ZNF285: variants seen among roughly 807,000 people sequenced by gnomAD.
ZNF285 encodes zinc finger protein 285.
Under a neutral mutation model 6.2 loss-of-function variants are expected in ZNF285, and 4 were observed. The observed-to-expected ratio is 0.65, with a 90% CI of 0.32 to 1.49. ZNF285 has a LOEUF of 1.49. Among genes scored for constraint, ZNF285 ranks in the 40% most tolerant of loss-of-function variants. The pLI is 0.07. For missense variants in ZNF285, 695 were observed against 708.8 expected (o/e 0.98, Z 0.22); for synonymous variants, 240 against 245.8 (o/e 0.98, Z 0.22).
At chr19:44,392,037 T>C (rs1286922843) in intron 3 of ZNF285, among the ~76,000 whole-genome samples, 1 of 152,046 alleles carries the variant, frequency 6.6e-6, no homozygotes, top group African/African-American at 2.4e-5. Context: ...TCAGTCTCAT[T>C]CTGAGAAATA....
intron 2 of ZNF285, among the ~76,000 whole-genome samples, chr19:44,395,657 C>T (rs2571128): frequency 0.33 from 49,732 of 151,946 alleles, 11,534 homozygotes; most frequent in East Asian, 0.75. Flanking sequence ...GTAAGTTAGA[C>T]TGCTGTTTAG....
Position 44,390,655 on chromosome 19 carries a change from T to C in ZNF285, c.142+1685A>G, listed in dbSNP as rs115399734. ...GGGAGGCATCATTGGCTTTGAAATG[T>C]AAGGACATATGATTTGGGAGGGGCC... On this transcript the variant is annotated intron_variant, in intron 3 of 3. Transcript: ENST00000614994. 4.8e-3 allele frequency among the ~76,000 whole-genome samples: 730 copies of C among 152,154 alleles called. 8 individuals carry two copies. Among genetic ancestry groups the C allele is most frequent in the African/African-American group, 0.017 (692 of 41,476 alleles).
chr19:44,397,620 C>CA (rs1971303964), intron 1 of ZNF285, among the ~76,000 whole-genome samples: 1 of 152,140 alleles, frequency 6.6e-6, no homozygotes, highest in Non-Finnish European at 1.5e-5. Flanking sequence ...CACAGTGGCT[C>CA]ACACCTGTAA....
In ZNF285 at chr19:44,385,205, T is replaced by C. The variant is rs1971050745; in HGVS notation, c.*1267A>G. On this transcript the variant is annotated 3_prime_UTR_variant, in exon 4 of 4. Transcript: ENST00000614994. Reference sequence around the variant, plus strand: ...ACATGTTGTTGGTCACTTTAGTAAATGTTGATTTTATTCAATTAATTTTAT... The same window carrying C: ...ACATGTTGTTGGTCACTTTAGTAAACGTTGATTTTATTCAATTAATTTTAT... 1 of 152,096 alleles carries C rather than the reference T, an allele frequency of 6.6e-6. No individual in the cohort carries two copies. The highest frequency in any genetic ancestry group is 2.1e-4 in the South Asian group (1 of 4,832). 9.4% of individuals were successfully genotyped at this position (152,096 alleles called of 1,614,324 possible). A position where few individuals can be genotyped will look rare whatever the true frequency, so the allele number is the denominator to read the frequency against.
At chr19:44,390,778 G>A (rs922017284) in intron 3 of ZNF285, among the ~76,000 whole-genome samples, 5 of 151,814 alleles carry the variant, frequency 3.3e-5, no homozygotes, top group African/African-American at 1.2e-4. Context: ...AACCTGGTAG[G>A]GGGTGACTGA....
At chr19:44,394,787 T>A (rs1971253625) in intron 2 of ZNF285, among the ~76,000 whole-genome samples, 1 of 152,158 alleles carries the variant, frequency 6.6e-6, no homozygotes, top group Admixed American at 6.5e-5. Context: ...AATTGTCCAA[T>A]TACCAAAATC....
At chr19:44,393,685 A>T (rs1971234199) in intron 2 of ZNF285, among the ~76,000 whole-genome samples, 1 of 152,142 alleles carries the variant, frequency 6.6e-6, no homozygotes, top group African/African-American at 2.4e-5. Context: ...GCCATCAGAG[A>T]AATGCAAATC....
At position 44,387,880 on chromosome 19, in the gene ZNF285, T is replaced by C; in HGVS notation, c.365A>G (p.Glu122Gly). 6.2e-7 allele frequency: 1 copy of C among 1,613,976 alleles called. No individual in the cohort carries two copies. The highest frequency in any genetic ancestry group is 1.3e-5 in the African/African-American group (1 of 75,048). Residue 122 changes from glutamate to glycine, a missense_variant, in exon 4 of 4, where the codon GAA becomes GGA. Transcript: ENST00000614994. ...AGISLQISEN[E>G]NYVVNAIIKN... is the part of the protein sequence containing the mutation. ...GATAATGGCATTTACTACATAGTTT[T>C]CATTTTCAGAAATCTGAAGAGAAAT...
chr19:44,394,693 G>T (rs1445243654), intron 2 of ZNF285, among the ~76,000 whole-genome samples: 1 of 152,114 alleles, frequency 6.6e-6, no homozygotes, highest in Non-Finnish European at 1.5e-5. Context: ...TCTCTCAATA[G>T]ACTCTGCATC....
chr19:44,396,825 C>G (rs10425040), intron 2 of ZNF285: 67,841 of 223,080 alleles, frequency 0.3, 15,688 homozygotes, highest in East Asian at 0.75. Flanking sequence ...TGAGGCCAGT[C>G]ACATTTAGAG....
At chr19:44,392,871 T>C (rs116709348) in intron 2 of ZNF285, among the ~76,000 whole-genome samples, 1 of 152,300 alleles carries the variant, frequency 6.6e-6, no homozygotes, top group African/African-American at 2.4e-5. Context: ...TAGCATTTCA[T>C]GAGTTCATTT....
intron 3 of ZNF285, among the ~76,000 whole-genome samples, chr19:44,390,285 G>A (rs1487946221): frequency 1.3e-5 from 2 of 152,162 alleles, no homozygotes; most frequent in Non-Finnish European, 2.9e-5. Context: ...CAGAGCCACA[G>A]GGGTGGAGCT....
intron 2 of ZNF285, among the ~76,000 whole-genome samples, chr19:44,395,271 G>A (rs1971261473): frequency 6.6e-6 from 1 of 152,180 alleles, no homozygotes; most frequent in African/African-American, 2.4e-5. Flanking sequence ...AGCATCTGGT[G>A]CTTCCACTTA....
intron 2 of ZNF285, among the ~76,000 whole-genome samples, chr19:44,395,734 T>C (rs556357723): frequency 2.0e-4 from 31 of 152,238 alleles, no homozygotes; most frequent in Non-Finnish European, 3.8e-4. Flanking sequence ...CCCCTTTAGT[T>C]TTGACTTGGC....
intron 1 of ZNF285, among the ~76,000 whole-genome samples, chr19:44,400,734 C>CGA (rs2123295492): frequency 6.6e-6 from 1 of 152,090 alleles, no homozygotes; most frequent in African/African-American, 2.4e-5. Context: ...GCCACCGTGC[C>CGA]CGGCTAATTT....
chr19:44,399,717 G>C lies in ZNF285; in HGVS notation c.-44+1851C>G, dbSNP rs191104905. Among the ~76,000 whole-genome samples the C allele has an allele frequency of 8.1e-3, 1,228 of 151,516 alleles. 10 individuals carry two copies. Among genetic ancestry groups the C allele is most frequent in the African/African-American group, 0.027 (1,115 of 41,038 alleles). On this transcript the variant is annotated intron_variant, in intron 1 of 3. Transcript: ENST00000614994. The stretch of plus-strand genomic sequence containing the variant: ...CCTGCCTGTATCAAGTCAGGGCCGT[G>C]GCACGAACCAGACGGCACATTGAAA...
intron 2 of ZNF285, among the ~76,000 whole-genome samples, chr19:44,393,726 G>C (rs1017613187): frequency 3.7e-4 from 56 of 152,210 alleles, no homozygotes; most frequent in African/African-American, 1.3e-3. Flanking sequence ...TCTCACACCA[G>C]TTAGAATGGC....
chr19:44,382,960 C>A lies in ZNF285; in HGVS notation c.*3512G>T, dbSNP rs146160346. The stretch of plus-strand genomic sequence containing the variant: ...GTCTGAGGCCCCAGATAGCTCCTCA[C>A]CTAGGCATCCCAAAGGGAACTCCCA... On this transcript the variant is annotated 3_prime_UTR_variant, in exon 4 of 4. Coordinates refer to ENST00000614994, the MANE Select transcript of ZNF285 (RefSeq NM_152354.6). The A allele has an allele frequency of 6.6e-6, 1 of 152,164 alleles. No individual in the cohort carries two copies. Among genetic ancestry groups the A allele is most frequent in the Non-Finnish European group, 1.5e-5 (1 of 68,028 alleles). The allele number at this position is 152,164 out of a possible 1,614,324, so 9.4% of individuals were successfully genotyped here.
intron 3 of ZNF285, among the ~76,000 whole-genome samples, chr19:44,391,078 T>G (rs558745223): frequency 3.0e-4 from 45 of 150,502 alleles, no homozygotes; most frequent in African/African-American, 1.1e-3. Context: ...TGCTTGAACT[T>G]GGGAGGTGGA....
Sources: gnomAD v4.1 joint callset for allele counts (sites outside exome capture counted in the v4.1 genomes callset) on GRCh38, gnomAD v4.1.1 for gene constraint, MANE v1.5 for transcripts, NCBI Gene and HGNC (gene_info 2026-07-23, HGNC 2026-07-21) for gene names.